The following TTC29 variants were observed in gnomAD, a reference collection of about 807,000 sequenced individuals.
The protein encoded by TTC29 is tetratricopeptide repeat domain 29, also known as tetratricopeptide repeat protein 29.
Under a neutral mutation model 58.1 loss-of-function variants are expected in TTC29, and 49 were observed. That is an observed-to-expected ratio of 0.84 (90% confidence interval 0.67 to 1.07). The LOEUF (loss-of-function observed/expected upper bound fraction) is 1.07, where lower values mean the gene tolerates loss of function less well. TTC29 is among the 50% of genes least tolerant of loss of function. The pLI, the probability that TTC29 is intolerant of heterozygous loss-of-function variation, is 0.00. For missense variants in TTC29, 582 were observed against 555.6 expected, an observed-to-expected ratio of 1.05 and a Z score of -0.48; for synonymous variants, 209 against 196.8, an observed-to-expected ratio of 1.06 and a Z score of -0.52.
At chr4:146,815,910 G>C (rs1322061694) in intron 10 of TTC29, among the ~76,000 whole-genome samples, 1 of 152,100 alleles carries the variant, frequency 6.6e-6, no homozygotes, top group African/African-American at 2.4e-5. Context: ...CATGAACATT[G>C]CTAACCAATA....
intron 6 of TTC29, among the ~76,000 whole-genome samples, chr4:146,893,894 G>T (rs1732564955): frequency 6.6e-6 from 1 of 152,142 alleles, no homozygotes; most frequent in African/African-American, 2.4e-5. Context: ...CTTCTCAAAA[G>T]AAGACATTTC....
At chr4:146,833,727 C>G in intron 9 of TTC29, 79 bp downstream of exon 9, 2 of 1,119,542 alleles carry the variant, frequency 1.8e-6, no homozygotes, top group Non-Finnish European at 2.7e-6. Context: ...TAATGGAAAG[C>G]GACAGACCTC....
intron 9 of TTC29, among the ~76,000 whole-genome samples, chr4:146,825,581 G>C (rs1474327191): frequency 3.3e-5 from 5 of 152,172 alleles, no homozygotes; most frequent in Non-Finnish European, 7.4e-5. Flanking sequence ...ATGTTCTGTT[G>C]ATTTGGGGTA....
At chr4:146,781,884 G>A (rs1748634487) in intron 11 of TTC29, among the ~76,000 whole-genome samples, 1 of 151,894 alleles carries the variant, frequency 6.6e-6, no homozygotes, top group South Asian at 2.1e-4. Flanking sequence ...ATCAGTGGTA[G>A]AGTAAACTAG....
At chr4:146,921,426 A>G (rs1036692434) in intron 4 of TTC29, among the ~76,000 whole-genome samples, 1 of 151,364 alleles carries the variant, frequency 6.6e-6, no homozygotes, top group Non-Finnish European at 1.5e-5. Flanking sequence ...CTTTTTTAAA[A>G]AAGTATAAAA....
chr4:146,904,703 T>G (rs1387717508), intron 5 of TTC29, among the ~76,000 whole-genome samples: 2 of 152,162 alleles, frequency 1.3e-5, no homozygotes, highest in Non-Finnish European at 2.9e-5. Context: ...TAACAGTCAT[T>G]ATCTATTAGA....
intron 8 of TTC29, among the ~76,000 whole-genome samples, chr4:146,844,409 C>T (rs1292492391): frequency 1.3e-5 from 2 of 152,048 alleles, no homozygotes; most frequent in South Asian, 2.1e-4. Flanking sequence ...AGATTTTATT[C>T]TAACTCTCAA....
rs151059982 is a variant in TTC29 at position 146,748,754 on chromosome 4, C to T, written c.1331-41203G>A. Among the ~76,000 whole-genome samples the T allele has an allele frequency of 1.8e-4, 27 of 152,328 alleles. No homozygotes were observed. In the East Asian group the frequency reaches 5.2e-3, roughly 29 times the overall value. ...CCAATCTGCAGGTAAAAGTCTTTCC[C>T]TACAAAAGCTATTCTGTGAAATTTA... On this transcript the variant is annotated intron_variant, in intron 11 of 12. Coordinates refer to ENST00000325106, the MANE Select transcript of TTC29 (RefSeq NM_031956.4).
At chr4:146,902,003 A>C (rs944381694) in intron 6 of TTC29, among the ~76,000 whole-genome samples, 1 of 152,218 alleles carries the variant, frequency 6.6e-6, no homozygotes, top group African/African-American at 2.4e-5. Flanking sequence ...ACTCTGTTGC[A>C]TGGATGTTGC....
intron 11 of TTC29, among the ~76,000 whole-genome samples, chr4:146,746,312 G>A (rs1051839192): frequency 2.6e-5 from 4 of 152,210 alleles, no homozygotes; most frequent in Non-Finnish European, 4.4e-5. Context: ...TGTAGGACTC[G>A]TTAGTATGCT....
At chr4:146,920,652 T>C (rs572975007) in intron 4 of TTC29, among the ~76,000 whole-genome samples, 2 of 151,106 alleles carry the variant, frequency 1.3e-5, no homozygotes, top group South Asian at 4.2e-4. Context: ...ACTTATCTTT[T>C]ACAAATCAAT....
intron 6 of TTC29, among the ~76,000 whole-genome samples, chr4:146,894,054 A>C (rs1732577847): frequency 6.6e-6 from 1 of 152,160 alleles, no homozygotes; most frequent in Non-Finnish European, 1.5e-5. Context: ...GGATGTGGAG[A>C]AATAGGAACA....
intron 11 of TTC29, among the ~76,000 whole-genome samples, chr4:146,755,397 A>G (rs1283031493): frequency 6.6e-6 from 1 of 152,236 alleles, no homozygotes; most frequent in Non-Finnish European, 1.5e-5. Flanking sequence ...GAAGCACAAA[A>G]TATTCTGAAT....
chr4:146,769,697 C>T (rs758994959), intron 11 of TTC29, among the ~76,000 whole-genome samples: 22 of 151,878 alleles, frequency 1.4e-4, no homozygotes, highest in Admixed American at 6.6e-5. Flanking sequence ...TACTTTGGGC[C>T]GAGAATCAGT....
At chr4:146,821,985 G>GTTTTT (rs34100285) in intron 9 of TTC29, among the ~76,000 whole-genome samples, 3 of 109,592 alleles carry the variant, frequency 2.7e-5, no homozygotes, top group Non-Finnish European at 5.5e-5. Flanking sequence ...CATGTCTAGT[G>GTTTTT]TTTTTTTTTT....
intron 9 of TTC29, among the ~76,000 whole-genome samples, chr4:146,825,080 GT>G (rs999397237): frequency 2.0e-5 from 3 of 151,952 alleles, no homozygotes; most frequent in African/African-American, 4.8e-5. Flanking sequence ...TTTTTGGAGG[GT>G]TTTTCATGTT....
rs187651547 is a variant in TTC29, at chr4:146,760,013, A to G, written c.1330+43444T>C. ...GTCAAACTGTCACTGTTTGCTGACA[A>G]TATGATTGTTTACCTTTAATACCCT... On this transcript the variant is annotated intron_variant, in intron 11 of 12. Transcript: ENST00000325106. 5.9e-5 allele frequency among the ~76,000 whole-genome samples: 9 copies of G among 152,252 alleles called. No individual in the cohort carries two copies. The East Asian group carries it at 9.6e-4, about 16-fold the overall frequency.
intron 11 of TTC29, among the ~76,000 whole-genome samples, chr4:146,728,143 C>G (rs569043552): frequency 9.9e-5 from 15 of 151,772 alleles, no homozygotes; most frequent in African/African-American, 3.6e-4. Context: ...AAAAATTAGC[C>G]GGGCGAGGTG....
intron 8 of TTC29, among the ~76,000 whole-genome samples, chr4:146,863,306 C>T (rs915837844): frequency 1.3e-5 from 2 of 151,994 alleles, no homozygotes; most frequent in African/African-American, 4.8e-5. Context: ...TCTATGTTCC[C>T]CTTGCCTTCC....
Sources: allele counts gnomAD v4.1 joint callset (sites outside exome capture counted in the v4.1 genomes callset), GRCh38; gene constraint gnomAD v4.1.1; transcripts MANE v1.5; gene names NCBI Gene and HGNC (gene_info 2026-07-23, HGNC 2026-07-21).